The following DMD variants were observed in gnomAD, a reference collection of about 807,000 sequenced individuals.
DMD encodes mutant dystrophin.
DMD carries 63 observed loss-of-function variants against 330.1 expected under a neutral mutation model. That is an observed-to-expected ratio of 0.19 (90% CI 0.16 to 0.24). The LOEUF (loss-of-function observed/expected upper bound fraction) is 0.24. Ranked by LOEUF, DMD falls within the 10% of genes least tolerant of loss-of-function variation. The pLI, the probability that DMD is intolerant of heterozygous loss-of-function variation, is 1.00. For missense variants in DMD, 3,344 were observed against 2,684.1 expected, an observed-to-expected ratio of 1.25 and a Z score of -5.43; for synonymous variants, 1,223 against 959.8, an observed-to-expected ratio of 1.27 and a Z score of -5.07.
chrX:32,026,646 T>C (rs1157007004), intron 44 of DMD, among the ~76,000 whole-genome samples: 1 of 112,509 alleles, frequency 8.9e-6, no homozygotes, highest in African/African-American at 3.2e-5. Flanking sequence ...TGTTTCTTTC[T>C]CCCCTTTCAA....
At chrX:31,156,008 C>T (rs779521646) in intron 74 of DMD, among the ~76,000 whole-genome samples, 1 of 110,029 alleles carries the variant, frequency 9.1e-6, no homozygotes, top group Admixed American at 9.7e-5. Context: ...AAAAAAGTGA[C>T]AATAAAATTT....
chrX:31,540,351 C>G (rs1009431175), intron 55 of DMD, among the ~76,000 whole-genome samples: 2 of 112,078 alleles, frequency 1.8e-5, no homozygotes, highest in African/African-American at 6.5e-5. Context: ...TTTTTATTCA[C>G]TTGGAAAGTC....
At chrX:32,125,445 G>A (rs927445781) in intron 44 of DMD, among the ~76,000 whole-genome samples, 6 of 111,622 alleles carry the variant, frequency 5.4e-5, no homozygotes, top group African/African-American at 2.0e-4. Context: ...GGACAAGGTC[G>A]AACATTCAGT....
intron 51 of DMD, among the ~76,000 whole-genome samples, chrX:31,752,602 C>G (rs1233355204): frequency 9.0e-6 from 1 of 111,078 alleles, no homozygotes; most frequent in East Asian, 2.8e-4. Flanking sequence ...TAATAATAAA[C>G]TGTGACTCCC....
Position 32,784,787 on chromosome X carries a change from G to A in DMD, c.649+24706C>T, listed in dbSNP as rs184058994. ...GACATAAATATTTGTACATTTATTA[G>A]AATGAAAAACATGCTCTGTACTTTA... On this transcript the variant is annotated intron_variant, in intron 7 of 78. Coordinates refer to ENST00000357033, the MANE Select transcript of DMD (RefSeq NM_004006.3). 3.9e-3 allele frequency among the ~76,000 whole-genome samples: 440 copies of A among 111,450 alleles called. 2 individuals carry two copies. The highest frequency in any genetic ancestry group is 6.2e-3 in the Non-Finnish European group (327 of 52,878).
intron 44 of DMD, among the ~76,000 whole-genome samples, chrX:32,149,411 T>C (rs2096794115): frequency 8.9e-6 from 1 of 112,188 alleles, no homozygotes; most frequent in Non-Finnish European, 1.9e-5. Flanking sequence ...GCATATATCA[T>C]TTCATTCGTT....
At chrX:31,225,376 T>C (rs1402656644) in intron 63 of DMD, among the ~76,000 whole-genome samples, 2 of 112,620 alleles carry the variant, frequency 1.8e-5, no homozygotes, top group African/African-American at 6.5e-5. Context: ...TCCTAATTAA[T>C]AGTTAGACGG....
intron 2 of DMD, among the ~76,000 whole-genome samples, chrX:32,868,415 C>G (rs1401797038): frequency 9.0e-6 from 1 of 111,441 alleles, no homozygotes; most frequent in Non-Finnish European, 1.9e-5. Flanking sequence ...GGGGCGGCAT[C>G]TAAGAGAACT....
intron 11 of DMD, among the ~76,000 whole-genome samples, chrX:32,628,897 T>C (rs1026846481): frequency 1.8e-5 from 2 of 112,196 alleles, no homozygotes; most frequent in African/African-American, 3.2e-5. Context: ...GTTATTTTGA[T>C]TTTTGAATTT....
intron 7 of DMD, among the ~76,000 whole-genome samples, chrX:32,746,781 C>T (rs1044706517): frequency 2.7e-5 from 3 of 111,326 alleles, no homozygotes; most frequent in African/African-American, 3.3e-5. Flanking sequence ...CCTTACAGTG[C>T]TTTAGAACAC....
intron 62 of DMD, among the ~76,000 whole-genome samples, chrX:31,308,685 T>C (rs2055237263): frequency 9.0e-6 from 1 of 111,363 alleles, no homozygotes; most frequent in Non-Finnish European, 1.9e-5. Context: ...GTGTTGGGAC[T>C]GCAGGCATAA....
intron 44 of DMD, among the ~76,000 whole-genome samples, chrX:32,054,278 G>A (rs1187648006): frequency 3.0e-5 from 3 of 101,189 alleles, no homozygotes; most frequent in African/African-American, 1.1e-4. Context: ...GTGCCATGTT[G>A]GTGTCCTGCA....
chrX:33,232,116 A>G (rs1459214508), intron 1 of DMD, among the ~76,000 whole-genome samples: 2 of 112,289 alleles, frequency 1.8e-5, no homozygotes, highest in South Asian at 3.7e-4. Flanking sequence ...TTCAAAAGTA[A>G]AAGAGAAATG....
chrX:31,617,334 C>T (rs748506671), intron 55 of DMD, among the ~76,000 whole-genome samples: 6 of 110,104 alleles, frequency 5.4e-5, no homozygotes, highest in Non-Finnish European at 9.5e-5. Flanking sequence ...CAGGAGTTTG[C>T]GACCAGCCTG....
At chrX:33,335,472 C>G (rs1030594260) in intron 1 of DMD, among the ~76,000 whole-genome samples, 4 of 110,661 alleles carry the variant, frequency 3.6e-5, no homozygotes, top group Non-Finnish European at 3.8e-5. Flanking sequence ...AGCTTTAACT[C>G]TCTCATGTCC....
chrX:32,413,383 C>A (rs2098151895), intron 29 of DMD, among the ~76,000 whole-genome samples: 1 of 111,623 alleles, frequency 9.0e-6, no homozygotes, highest in Admixed American at 9.6e-5. Context: ...TAATGATTCC[C>A]TTTATTAGAT....
intron 62 of DMD, among the ~76,000 whole-genome samples, chrX:31,290,305 T>C (rs757546789): frequency 1.2e-3 from 131 of 111,320 alleles, no homozygotes; most frequent in Admixed American, 2.8e-3. Context: ...ATGCATTTGG[T>C]GATGGTAGTA....
chrX:32,208,828 G>T (rs1248038695), intron 44 of DMD, among the ~76,000 whole-genome samples: 1 of 110,810 alleles, frequency 9.0e-6, no homozygotes. Flanking sequence ...TGCTCCAATG[G>T]GTAAGAGAAC....
At chrX:31,512,481 G>A (rs1415476091) in intron 55 of DMD, among the ~76,000 whole-genome samples, 4 of 100,035 alleles carry the variant, frequency 4.0e-5, no homozygotes, top group East Asian at 3.1e-4. Context: ...TAACGTTTAA[G>A]TCTTTAATCC....
Sources: gnomAD v4.1 joint callset for allele counts (sites outside exome capture counted in the v4.1 genomes callset) on GRCh38, gnomAD v4.1.1 for gene constraint, MANE v1.5 for transcripts, NCBI Gene and HGNC (gene_info 2026-07-23, HGNC 2026-07-21) for gene names.